Variants in NR5A2 observed in about 807,000 individuals in gnomAD.
The protein encoded by NR5A2 is nuclear receptor subfamily 5 group A member 2.
NR5A2 carries 26 observed loss-of-function variants against 62.7 expected under a neutral mutation model. The observed-to-expected ratio is 0.41, with a 90% CI of 0.30 to 0.58. The LOEUF (loss-of-function observed/expected upper bound fraction) is 0.58, where lower values mean the gene tolerates loss of function less well. Among genes scored for constraint, NR5A2 ranks in the 20% least tolerant of loss-of-function variants. The pLI is 0.22. For missense variants in NR5A2, 541 were observed against 669.1 expected, an observed-to-expected ratio of 0.81 and a Z score of 2.11; for synonymous variants, 246 against 241.7, an observed-to-expected ratio of 1.02 and a Z score of -0.16.
chr1:200,094,959 A>C (rs1253795312), intron 5 of NR5A2, among the ~76,000 whole-genome samples: 1 of 152,156 alleles, frequency 6.6e-6, no homozygotes, highest in Non-Finnish European at 1.5e-5. Context: ...ATAGAAAAGA[A>C]CATAAAGGAA....
intron 7 of NR5A2, among the ~76,000 whole-genome samples, chr1:200,135,457 G>C (rs1455564952): frequency 6.6e-6 from 1 of 151,880 alleles, no homozygotes; most frequent in Non-Finnish European, 1.5e-5. Flanking sequence ...GGAGGTGGAG[G>C]TTGCGGCAAG....
chr1:200,166,436 C>T (rs12138728), intron 7 of NR5A2, among the ~76,000 whole-genome samples: 20,835 of 152,102 alleles, frequency 0.14, 1,663 homozygotes, highest in East Asian at 0.25. Flanking sequence ...AAATCTCAAA[C>T]ATTAAGTTGT....
rs550490739 is a variant in NR5A2, at chr1:200,119,634, CT to C, written c.1231-1164del. On this transcript the variant is annotated intron_variant, in intron 6 of 7. Transcript: ENST00000367362. ...AATCTAAGATTGGTGCCTAGCAACA[CT>C]TTTTTTTTTGAGACGGAGTCTGGCT... Among the ~76,000 whole-genome samples the C allele has an allele frequency of 1.8e-3, 271 of 149,980 alleles. 1 individual carries two copies. The highest frequency in any genetic ancestry group is 6.1e-3 in the African/African-American group (252 of 41,016).
intron 7 of NR5A2, among the ~76,000 whole-genome samples, chr1:200,130,660 T>G (rs1465492519): frequency 6.6e-6 from 1 of 152,250 alleles, no homozygotes; most frequent in Non-Finnish European, 1.5e-5. Flanking sequence ...GGTAGCTGCA[T>G]AAAAGTTGGT....
At position 200,055,468 on chromosome 1, in the gene NR5A2, C is replaced by T. The variant is rs1038752132; in HGVS notation, c.1110+6650C>T. Among the ~76,000 whole-genome samples, 9 of 152,122 alleles carry T rather than the reference C, an allele frequency of 5.9e-5. No individual in the cohort carries two copies. The East Asian group carries it at 1.5e-3, about 26-fold the overall frequency. On this transcript the variant is annotated intron_variant, in intron 5 of 7. Coordinates refer to ENST00000367362, the MANE Select transcript of NR5A2 (RefSeq NM_205860.3). Reference sequence around the variant, plus strand: ...GCCTCGGCATCCCAAAGTTTACAGGCGTGAACCACTGTGCCCAGCCAGCCC... The same window carrying T: ...GCCTCGGCATCCCAAAGTTTACAGGTGTGAACCACTGTGCCCAGCCAGCCC...
At chr1:200,045,661 C>T (rs986595562) in intron 4 of NR5A2, 77 bp downstream of exon 4, 9 of 1,216,766 alleles carry the variant, frequency 7.4e-6, no homozygotes, top group Non-Finnish European at 9.1e-6. Context: ...GTACTTATAG[C>T]ATGGTAACAT....
intron 5 of NR5A2, among the ~76,000 whole-genome samples, chr1:200,071,870 G>A (rs1348019096): frequency 1.3e-5 from 2 of 152,110 alleles, no homozygotes; most frequent in Non-Finnish European, 2.9e-5. Context: ...TTATTGGAAA[G>A]TCTTAAAAAT....
chr1:200,046,282 A>C (rs555284783), intron 4 of NR5A2, among the ~76,000 whole-genome samples: 1 of 152,344 alleles, frequency 6.6e-6, no homozygotes, highest in South Asian at 2.1e-4. Context: ...CAGACCCTAT[A>C]CTACAATGTA....
At chr1:200,036,165 C>T (rs530603267) in intron 1 of NR5A2, among the ~76,000 whole-genome samples, 2 of 152,312 alleles carry the variant, frequency 1.3e-5, no homozygotes, top group East Asian at 3.9e-4. Flanking sequence ...CCCGGTTCCA[C>T]CTACTTACAT....
At chr1:200,044,945 CCTTTTG>C (rs1447538243) in intron 3 of NR5A2, among the ~76,000 whole-genome samples, 1 of 151,400 alleles carries the variant, frequency 6.6e-6, no homozygotes. Flanking sequence ...CTCTTTAAAT[CCTTTTG>C]CTTTTAACTA....
intron 5 of NR5A2, among the ~76,000 whole-genome samples, chr1:200,081,537 T>A (rs189203012): frequency 9.0e-4 from 137 of 152,356 alleles, no homozygotes; most frequent in Non-Finnish European, 1.7e-3. Context: ...GACACCTCCA[T>A]AAGCTGATCC....
intron 5 of NR5A2, among the ~76,000 whole-genome samples, chr1:200,061,120 CA>C (rs34729240): frequency 0.12 from 9,304 of 75,408 alleles, 268 homozygotes; most frequent in African/African-American, 0.17. Context: ...AACTCCGTCT[CA>C]AAAAAAAAAA....
chr1:200,157,931 G>C lies in NR5A2; in HGVS notation c.1379-16032G>C, dbSNP rs201138859. On this transcript the variant is annotated intron_variant, in intron 7 of 7. Transcript: ENST00000367362. ...GTAACAAGTATATCTAGCTCTTAAA[G>C]AGTAGCTTTAATTTAACTCTACAAA... 1.1e-4 allele frequency among the ~76,000 whole-genome samples: 16 copies of C among 152,290 alleles called. 1 individual carries two copies. The East Asian group carries it at 1.2e-3, about 11-fold the overall frequency.
intron 7 of NR5A2, among the ~76,000 whole-genome samples, chr1:200,133,562 C>CGT (rs1558159174): frequency 7.2e-6 from 1 of 138,974 alleles, no homozygotes; most frequent in African/African-American, 2.8e-5. Context: ...TATATACACA[C>CGT]ATATATATAT....
chr1:200,048,102 T>C lies in NR5A2; in HGVS notation c.464-70T>C. The C allele has an allele frequency of 7.3e-7, 1 of 1,366,606 alleles. No homozygotes were observed. Among genetic ancestry groups the C allele is most frequent in the Non-Finnish European group, 1.0e-6 (1 of 997,582 alleles). 84.7% of individuals were successfully genotyped at this position (1,366,606 alleles called of 1,614,324 possible). A position where few individuals can be genotyped will look rare whatever the true frequency, so the allele number is the denominator to read the frequency against. ...TCTTGTCGATTTACATTTCTAAATA[T>C]CTGAAGAATGCTAATAATTTGCACC... On this transcript the variant is annotated intron_variant, in intron 4 of 7. Coordinates refer to ENST00000367362, the MANE Select transcript of NR5A2 (RefSeq NM_205860.3). The surrounding 1 kb of genome is among the most constrained non-coding windows in gnomAD (Gnocchi z 4.8).
At chr1:200,124,993 T>G (rs1377713546) in intron 7 of NR5A2, among the ~76,000 whole-genome samples, 2 of 152,222 alleles carry the variant, frequency 1.3e-5, no homozygotes, top group African/African-American at 2.4e-5. Context: ...GGAGGTGGTT[T>G]AGCTAAAAGC....
At chr1:200,080,746 C>T (rs1266945433) in intron 5 of NR5A2, among the ~76,000 whole-genome samples, 1 of 152,148 alleles carries the variant, frequency 6.6e-6, no homozygotes, top group Middle Eastern at 3.2e-3. Context: ...CATTTAACTA[C>T]AAGAAGTTAA....
chr1:200,101,617 A>T (rs1665375854), intron 5 of NR5A2, among the ~76,000 whole-genome samples: 1 of 152,204 alleles, frequency 6.6e-6, no homozygotes, highest in African/African-American at 2.4e-5. Context: ...ACTTTGAAGC[A>T]ATGGAATGTG....
At chr1:200,152,435 G>T (rs984455824) in intron 7 of NR5A2, among the ~76,000 whole-genome samples, 1 of 152,072 alleles carries the variant, frequency 6.6e-6, no homozygotes, top group Non-Finnish European at 1.5e-5. Flanking sequence ...AATATATTTA[G>T]CAAGAAGGCA....
Sources: allele counts gnomAD v4.1 joint callset (sites outside exome capture counted in the v4.1 genomes callset), GRCh38; gene constraint gnomAD v4.1.1; non-coding constraint Gnocchi (gnomAD v3.1); transcripts MANE v1.5; gene names NCBI Gene and HGNC (gene_info 2026-07-23, HGNC 2026-07-21).